CNTN5: variants seen among roughly 807,000 people sequenced by gnomAD.
CNTN5 encodes the protein contactin-5.
Under a neutral mutation model 129.1 loss-of-function variants are expected in CNTN5, and 77 were observed. The ratio of observed to expected loss-of-function variants is 0.60; its 90% CI spans 0.50 to 0.72. The LOEUF is 0.72. CNTN5 is among the 30% of genes least tolerant of loss of function. The pLI, the probability that CNTN5 is intolerant of heterozygous loss-of-function variation, is 0.00. For synonymous variants in CNTN5, 509 were observed against 465.6 expected (o/e 1.09, Z -1.20); for missense variants, 1,478 against 1,328.8 (o/e 1.11, Z -1.75).
chr11:99,959,927 A>T (rs1207117154), intron 8 of CNTN5, among the ~76,000 whole-genome samples: 1 of 149,650 alleles, frequency 6.7e-6, no homozygotes. Context: ...TTATTTGTCC[A>T]TTTTTTTTTT....
chr11:99,948,107 A>G (rs2034600716), intron 7 of CNTN5, among the ~76,000 whole-genome samples: 2 of 152,218 alleles, frequency 1.3e-5, no homozygotes, highest in African/African-American at 4.8e-5. Flanking sequence ...AAACCTTTCT[A>G]CGCATCAAAC....
intron 3 of CNTN5, among the ~76,000 whole-genome samples, chr11:99,776,711 G>C (rs1456189634): frequency 6.6e-6 from 1 of 151,216 alleles, no homozygotes; most frequent in African/African-American, 2.4e-5. Context: ...CTACGGGACA[G>C]AAGCTAATCA....
intron 6 of CNTN5, among the ~76,000 whole-genome samples, chr11:99,850,511 T>C (rs899444169): frequency 1.2e-4 from 19 of 152,190 alleles, no homozygotes; most frequent in African/African-American, 4.6e-4. Context: ...TTCATTTCTA[T>C]TCATTTGTCA....
intron 13 of CNTN5, among the ~76,000 whole-genome samples, chr11:100,107,970 G>A (rs1466140731): frequency 6.8e-6 from 1 of 147,920 alleles, no homozygotes; most frequent in Admixed American, 6.9e-5. Context: ...TACCTAAACA[G>A]AGAATAGTGG....
At chr11:99,531,924 T>C (rs1947723285) in intron 2 of CNTN5, among the ~76,000 whole-genome samples, 1 of 152,056 alleles carries the variant, frequency 6.6e-6, no homozygotes, top group Admixed American at 6.5e-5. Context: ...GCTAGGGCAG[T>C]GCAAAAGGGA....
intron 2 of CNTN5, among the ~76,000 whole-genome samples, chr11:99,512,498 G>A (rs1487325404): frequency 1.3e-5 from 2 of 152,080 alleles, no homozygotes; most frequent in African/African-American, 4.8e-5. Context: ...ATTGCTCTTT[G>A]GTTTATTGCA....
intron 3 of CNTN5, among the ~76,000 whole-genome samples, chr11:99,726,856 A>C (rs1943357755): frequency 6.6e-6 from 1 of 152,166 alleles, no homozygotes; most frequent in Non-Finnish European, 1.5e-5. Context: ...CTCATCAAAA[A>C]ATTTGTGATG....
intron 3 of CNTN5, among the ~76,000 whole-genome samples, chr11:99,769,069 T>C (rs1382744459): frequency 6.6e-6 from 1 of 152,180 alleles, no homozygotes; most frequent in African/African-American, 2.4e-5. Context: ...TTTAATATTA[T>C]GGACTCATGG....
chr11:99,902,451 G>A (rs899842477), intron 6 of CNTN5, among the ~76,000 whole-genome samples: 2 of 152,056 alleles, frequency 1.3e-5, no homozygotes, highest in African/African-American at 2.4e-5. Flanking sequence ...CTTCAGTAAT[G>A]TGAGTAATGC....
chr11:99,041,164 C>G (rs1000320340), intron 1 of CNTN5, among the ~76,000 whole-genome samples: 3 of 152,098 alleles, frequency 2.0e-5, no homozygotes, highest in Non-Finnish European at 4.4e-5. Flanking sequence ...CAGGAGCCAA[C>G]TCCAATAACT....
chr11:99,776,312 G>A (rs751185469), intron 3 of CNTN5, among the ~76,000 whole-genome samples: 3 of 151,928 alleles, frequency 2.0e-5, no homozygotes, highest in Non-Finnish European at 2.9e-5. Flanking sequence ...TGTCAGGAGA[G>A]CTTTTCAGTA....
chr11:99,247,420 A>T (rs544657598), intron 1 of CNTN5, among the ~76,000 whole-genome samples: 86 of 152,060 alleles, frequency 5.7e-4, no homozygotes, highest in African/African-American at 2.0e-3. Context: ...TTCAGATAAA[A>T]TATACAGCCT....
chr11:99,655,379 C>T (rs1406509857), intron 3 of CNTN5, among the ~76,000 whole-genome samples: 2 of 152,122 alleles, frequency 1.3e-5, no homozygotes, highest in African/African-American at 4.8e-5. Context: ...CTGTCCAGAA[C>T]TTGGCAAACG....
At chr11:100,187,039 T>C (rs1321127041) in intron 13 of CNTN5, among the ~76,000 whole-genome samples, 2 of 152,196 alleles carry the variant, frequency 1.3e-5, no homozygotes, top group African/African-American at 2.4e-5. Flanking sequence ...TGGAATTTTT[T>C]TTCCATTTGT....
At chr11:99,791,378 C>G (rs1485035757) in intron 3 of CNTN5, among the ~76,000 whole-genome samples, 4 of 152,014 alleles carry the variant, frequency 2.6e-5, no homozygotes, top group Admixed American at 6.6e-5. Context: ...CAGGTTATTC[C>G]AACATCATTT....
chr11:99,089,095 T>C (rs575351704), intron 1 of CNTN5, among the ~76,000 whole-genome samples: 1 of 152,284 alleles, frequency 6.6e-6, no homozygotes, highest in East Asian at 1.9e-4. Context: ...TAAATACCAG[T>C]TCACATAATA....
At chr11:99,267,495 A>C (rs1862959244) in intron 1 of CNTN5, among the ~76,000 whole-genome samples, 1 of 151,992 alleles carries the variant, frequency 6.6e-6, no homozygotes, top group Non-Finnish European at 1.5e-5. Context: ...TCATTATGAA[A>C]GTGAGAGAAA....
At chr11:99,302,009 G>A (rs1462466804) in intron 1 of CNTN5, among the ~76,000 whole-genome samples, 1 of 151,516 alleles carries the variant, frequency 6.6e-6, no homozygotes, top group Non-Finnish European at 1.5e-5. Context: ...TTCAGTAGGA[G>A]TTATAAAATA....
chr11:99,229,062 A>T (rs1427983678), intron 1 of CNTN5, among the ~76,000 whole-genome samples: 1 of 152,090 alleles, frequency 6.6e-6, no homozygotes, highest in Middle Eastern at 3.4e-3. Context: ...TATTTTTTGC[A>T]TTATTAGTAT....
Sources: allele counts gnomAD v4.1 joint callset (sites outside exome capture counted in the v4.1 genomes callset), GRCh38; gene constraint gnomAD v4.1.1; transcripts MANE v1.5; gene names NCBI Gene and HGNC (gene_info 2026-07-23, HGNC 2026-07-21).